RAPGEF1: variants seen among roughly 807,000 people sequenced by gnomAD.
RAPGEF1 encodes the protein Rap guanine nucleotide exchange factor 1.
RAPGEF1 carries 33 observed loss-of-function variants against 143.3 expected under a neutral mutation model. That is an observed-to-expected ratio of 0.23 (90% CI 0.17 to 0.31). The LOEUF (loss-of-function observed/expected upper bound fraction) is 0.31, where lower values mean the gene tolerates loss of function less well. Among genes scored for constraint, RAPGEF1 ranks in the 10% least tolerant of loss-of-function variants. The pLI is 1.00. For missense variants in RAPGEF1, 1,199 were observed against 1,645.4 expected (o/e 0.73, Z 4.69); for synonymous variants, 629 against 676.5 (o/e 0.93, Z 1.09).
chr9:131,727,173 T>C (rs1186835952), intron 1 of RAPGEF1, among the ~76,000 whole-genome samples: 1 of 152,162 alleles, frequency 6.6e-6, no homozygotes, highest in East Asian at 1.9e-4. Context: ...ATTCTGGGAA[T>C]GCATAATTAC....
Sources: allele counts gnomAD v4.1 joint callset (sites outside exome capture counted in the v4.1 genomes callset), GRCh38; gene constraint gnomAD v4.1.1; transcripts MANE v1.5; gene names NCBI Gene and HGNC (gene_info 2026-07-23, HGNC 2026-07-21).